SLC2A5: variants seen among roughly 807,000 people sequenced by gnomAD.
SLC2A5 encodes solute carrier family 2, facilitated glucose transporter member 5.
Under a neutral mutation model 50.3 loss-of-function variants are expected in SLC2A5, and 56 were observed. That is an observed-to-expected ratio of 1.11 (90% CI 0.90 to 1.39). The LOEUF is 1.39. Among genes scored for constraint, SLC2A5 ranks in the 40% most tolerant of loss-of-function variants. The pLI is 0.00. For synonymous variants in SLC2A5, 269 were observed against 281.9 expected (o/e 0.95, Z 0.46); for missense variants, 566 against 650.1 (o/e 0.87, Z 1.41).
chr1:9,086,387 C>CTTTTTTTTTTTTTT (rs34593630), intron 1 of SLC2A5, among the ~76,000 whole-genome samples: 12 of 140,542 alleles, frequency 8.5e-5, no homozygotes, highest in African/African-American at 3.2e-4. Flanking sequence ...TTTTCTCTCT[C>CTTTTTTTTTTTTTT]TTTTTTTTTT....
chr1:9,078,294 C>A (rs576302828), intron 2 of SLC2A5, among the ~76,000 whole-genome samples: 19 of 152,304 alleles, frequency 1.2e-4, no homozygotes, highest in African/African-American at 4.3e-4. Flanking sequence ...TTACCACATC[C>A]TTTCATCAGC....
At chr1:9,073,760 CTG>C (rs1181535520), upstream of SLC2A5, among the ~76,000 whole-genome samples, 4 of 152,312 alleles carry the variant, frequency 2.6e-5, no homozygotes, top group East Asian at 7.7e-4. Flanking sequence ...TGCTTCTGTA[CTG>C]TGAGTTAGTT....
intron 2 of SLC2A5, among the ~76,000 whole-genome samples, chr1:9,081,164 G>A (rs2124478508): frequency 6.6e-6 from 1 of 151,542 alleles, no homozygotes; most frequent in Middle Eastern, 3.4e-3. Flanking sequence ...AGAGGCTGAG[G>A]TGGGAGGATC....
intron 4 of SLC2A5, 47 bp downstream of exon 4, chr1:9,047,562 CT>C (rs1162721067): frequency 1.8e-5 from 28 of 1,597,962 alleles, no homozygotes; most frequent in Non-Finnish European, 2.3e-5. Context: ...TGTTGTCCTC[CT>C]CCTTGACGAC....
chr1:9,059,364 C>G (rs544827011), intron 1 of SLC2A5, among the ~76,000 whole-genome samples: 11 of 151,304 alleles, frequency 7.3e-5, no homozygotes, highest in South Asian at 4.2e-4. Flanking sequence ...AGGATGGTCT[C>G]AATCTCCTGA....
At chr1:9,074,537 G>C (rs1301701398), upstream of SLC2A5, among the ~76,000 whole-genome samples, 1 of 152,084 alleles carries the variant, frequency 6.6e-6, no homozygotes, top group Non-Finnish European at 1.5e-5. Flanking sequence ...CTACTTGTGG[G>C]GATACTTAAC....
At chr1:9,080,682 C>T (rs1334921674) in intron 2 of SLC2A5, among the ~76,000 whole-genome samples, 1 of 152,156 alleles carries the variant, frequency 6.6e-6, no homozygotes, top group Non-Finnish European at 1.5e-5. Flanking sequence ...CTCTCTTTGA[C>T]CACAGAAAAT....
upstream of SLC2A5, among the ~76,000 whole-genome samples, chr1:9,091,872 A>G (rs1642465164): frequency 6.6e-6 from 1 of 152,138 alleles, no homozygotes; most frequent in Admixed American, 6.5e-5. Context: ...GCCTTTGGGC[A>G]CACCCTCCCG....
chr1:9,060,721 C>A (rs34509773), intron 1 of SLC2A5, among the ~76,000 whole-genome samples: 45,268 of 145,610 alleles, frequency 0.31, 7,714 homozygotes, highest in East Asian at 0.6. Flanking sequence ...AGCCCACCCC[C>A]CACACACACA....
chr1:9,073,762 G>T (rs1349848892), upstream of SLC2A5, among the ~76,000 whole-genome samples: 1 of 152,208 alleles, frequency 6.6e-6, no homozygotes, highest in African/African-American at 2.4e-5. Context: ...CTTCTGTACT[G>T]TGAGTTAGTT....
intron 3 of SLC2A5, among the ~76,000 whole-genome samples, chr1:9,049,962 C>T (rs146129345): frequency 6.6e-6 from 1 of 151,880 alleles, no homozygotes; most frequent in African/African-American, 2.4e-5. Flanking sequence ...CATAGTGAGA[C>T]GCCATCTCTA....
At chr1:9,078,868 C>T (rs928750045) in intron 2 of SLC2A5, among the ~76,000 whole-genome samples, 1 of 152,198 alleles carries the variant, frequency 6.6e-6, no homozygotes, top group African/African-American at 2.4e-5. Context: ...TCTTTTCCCA[C>T]ATTCCAGATT....
chr1:9,044,864 G>A (rs1382799317), intron 4 of SLC2A5, among the ~76,000 whole-genome samples: 1 of 152,082 alleles, frequency 6.6e-6, no homozygotes, highest in Non-Finnish European at 1.5e-5. Flanking sequence ...CATATGCGTG[G>A]TTTTAAAATG....
chr1:9,073,982 A>C (rs1279937266), upstream of SLC2A5, among the ~76,000 whole-genome samples: 1 of 152,152 alleles, frequency 6.6e-6, no homozygotes, highest in Non-Finnish European at 1.5e-5. Flanking sequence ...CAGGAGGCTA[A>C]GGCGGGAGAA....
chr1:9,067,260 C>T (rs1194903420), intron 1 of SLC2A5, among the ~76,000 whole-genome samples: 1 of 152,220 alleles, frequency 6.6e-6, no homozygotes, highest in Non-Finnish European at 1.5e-5. Context: ...AGCTTTCTCC[C>T]CAAGGGGCAG....
At chr1:9,079,827 C>A (rs1336520303) in intron 2 of SLC2A5, among the ~76,000 whole-genome samples, 1 of 152,198 alleles carries the variant, frequency 6.6e-6, no homozygotes, top group African/African-American at 2.4e-5. Flanking sequence ...TAAAACTTAT[C>A]ATTTTAACTG....
upstream of SLC2A5, chr1:9,073,143 T>C (rs1642242555): frequency 6.6e-6 from 1 of 152,286 alleles, no homozygotes. Flanking sequence ...CTTCAGTCAC[T>C]ACTGGCCTCA....
intron 2 of SLC2A5, among the ~76,000 whole-genome samples, chr1:9,084,446 TTCTGGCAAAGGTG>T (rs760171822): frequency 2.0e-5 from 3 of 152,232 alleles, no homozygotes; most frequent in Admixed American, 6.5e-5. Context: ...CTTGAATTCC[TTCTGGCAAAGGTG>T]TCAAAAGCCT....
At chr1:9,047,876 A>AG in intron 3 of SLC2A5, 142 bp from the exon 4 acceptor site, 1 of 821,180 alleles carries the variant, frequency 1.2e-6, no homozygotes, top group Non-Finnish European at 1.9e-6. Flanking sequence ...GGGACCTGAG[A>AG]CTGATACAGG....
Sources: allele counts gnomAD v4.1 joint callset (sites outside exome capture counted in the v4.1 genomes callset), GRCh38; gene constraint gnomAD v4.1.1; transcripts MANE v1.5; gene names NCBI Gene and HGNC (gene_info 2026-07-23, HGNC 2026-07-21).